PRKCE: variants seen among roughly 807,000 people sequenced by gnomAD.
The protein encoded by PRKCE is protein kinase C epsilon type.
PRKCE carries 16 observed loss-of-function variants against 85.4 expected under a neutral mutation model. The observed-to-expected ratio is 0.19, with a 90% CI of 0.13 to 0.28. The LOEUF (loss-of-function observed/expected upper bound fraction) is 0.28. Ranked by LOEUF, PRKCE falls within the 10% of genes least tolerant of loss-of-function variation. The pLI is 1.00. For missense variants in PRKCE, 573 were observed against 975.2 expected (o/e 0.59, Z 5.49); for synonymous variants, 388 against 371.5 (o/e 1.04, Z -0.51).
At chr2:45,829,730 C>A (rs991514954) in intron 1 of PRKCE, among the ~76,000 whole-genome samples, 1 of 152,134 alleles carries the variant, frequency 6.6e-6, no homozygotes, top group Non-Finnish European at 1.5e-5. Flanking sequence ...GTATGTGGAA[C>A]CATATGCTCC....
intron 1 of PRKCE, among the ~76,000 whole-genome samples, chr2:45,839,313 T>C (rs1691156623): frequency 6.6e-6 from 1 of 152,064 alleles, no homozygotes; most frequent in Non-Finnish European, 1.5e-5. Flanking sequence ...GACACCAAAG[T>C]CTGTGTTTGT....
At chr2:45,712,834 A>C (rs944553047) in intron 1 of PRKCE, among the ~76,000 whole-genome samples, 3 of 152,002 alleles carry the variant, frequency 2.0e-5, no homozygotes, top group Admixed American at 6.5e-5. Context: ...CTCCTCCAGC[A>C]CACTTCCCTG....
intron 1 of PRKCE, among the ~76,000 whole-genome samples, chr2:45,832,335 C>T (rs1690498106): frequency 8.3e-6 from 1 of 120,182 alleles, no homozygotes; most frequent in Admixed American, 9.4e-5. Flanking sequence ...TTTTTTGAGA[C>T]AGAGTCTCAC....
intron 13 of PRKCE, among the ~76,000 whole-genome samples, chr2:46,157,541 G>A (rs989087623): frequency 2.3e-4 from 35 of 152,098 alleles, no homozygotes; most frequent in Admixed American, 1.3e-3. Flanking sequence ...GAAGTATCCA[G>A]TCAAAAATGT....
chr2:45,816,797 C>T (rs1358691186), intron 1 of PRKCE, among the ~76,000 whole-genome samples: 2 of 152,178 alleles, frequency 1.3e-5, no homozygotes, highest in Admixed American at 1.3e-4. Flanking sequence ...ATATTCCTGT[C>T]CATCCTCCCT....
intron 1 of PRKCE, among the ~76,000 whole-genome samples, chr2:45,762,717 T>C (rs1019451333): frequency 1.3e-5 from 2 of 152,212 alleles, no homozygotes; most frequent in Middle Eastern, 3.2e-3. Flanking sequence ...TGAGTACTTA[T>C]TTTATGCTAG....
chr2:45,926,418 T>TC (rs1382962024), intron 2 of PRKCE, among the ~76,000 whole-genome samples: 3 of 151,656 alleles, frequency 2.0e-5, no homozygotes, highest in Admixed American at 6.6e-5. Flanking sequence ...GTTAGGTGAG[T>TC]CCCCCCCATC....
intron 12 of PRKCE, among the ~76,000 whole-genome samples, chr2:46,147,429 C>T (rs1363467977): frequency 6.6e-6 from 1 of 152,182 alleles, no homozygotes; most frequent in Non-Finnish European, 1.5e-5. Flanking sequence ...AAGGACCCAA[C>T]CCAAGACAGA....
chr2:46,148,929 T>C (rs1485886993), intron 12 of PRKCE, among the ~76,000 whole-genome samples: 2 of 152,288 alleles, frequency 1.3e-5, no homozygotes, highest in Non-Finnish European at 2.9e-5. Context: ...AGCTTTGACC[T>C]TACAGCTCAA....
intron 2 of PRKCE, among the ~76,000 whole-genome samples, chr2:45,945,390 C>G (rs1181820867): frequency 2.6e-5 from 4 of 151,192 alleles, no homozygotes; most frequent in African/African-American, 9.7e-5. Flanking sequence ...CATACTCTGT[C>G]AAACAACTGG....
At chr2:45,734,639 C>A (rs563743519) in intron 1 of PRKCE, among the ~76,000 whole-genome samples, 138 of 152,336 alleles carry the variant, frequency 9.1e-4, no homozygotes, top group African/African-American at 3.1e-3. Context: ...GGACTTTTGG[C>A]CTGGGCCTCT....
chr2:46,063,654 C>T (rs1023846732), intron 10 of PRKCE, among the ~76,000 whole-genome samples: 3 of 152,094 alleles, frequency 2.0e-5, no homozygotes, highest in African/African-American at 7.2e-5. Context: ...CAAGCATGCT[C>T]CCAGGGCAGA....
intron 2 of PRKCE, among the ~76,000 whole-genome samples, chr2:45,891,905 A>G (rs1002782879): frequency 5.3e-5 from 8 of 152,154 alleles, no homozygotes; most frequent in African/African-American, 1.9e-4. Context: ...TGCTGCTTTC[A>G]GTGGCTCCCG....
intron 2 of PRKCE, among the ~76,000 whole-genome samples, chr2:45,864,149 C>T (rs576672233): frequency 1.3e-5 from 2 of 152,302 alleles, no homozygotes; most frequent in East Asian, 1.9e-4. Context: ...CCTCAAAGAG[C>T]GTCATTCTGC....
rs70937991 is a variant in PRKCE, at chr2:46,123,214, CTTTTTTTTTTT to C, written c.1593-21860_1593-21850del. Among the ~76,000 whole-genome samples, 22 of 27,372 alleles carry C rather than the reference CTTTTTTTTTTT, an allele frequency of 8.0e-4. 1 individual carries two copies. Among genetic ancestry groups the C allele is most frequent in the African/African-American group, 2.4e-3 (19 of 7,914 alleles). The allele number at this position is 27,372 out of a possible 152,430, so 18.0% of individuals were successfully genotyped here. A position where few individuals can be genotyped will look rare whatever the true frequency, so the allele number is the denominator to read the frequency against. ...AAGCTTTACAAAGGAAAACACTTGC[CTTTTTTTTTTT>C]TTTTTTTTTTTTTTTTTTGGTCTAC... On this transcript the variant is annotated intron_variant, in intron 11 of 14. Coordinates refer to ENST00000306156, the MANE Select transcript of PRKCE (RefSeq NM_005400.3).
At chr2:45,804,418 G>A (rs753704366) in intron 1 of PRKCE, among the ~76,000 whole-genome samples, 2 of 152,164 alleles carry the variant, frequency 1.3e-5, no homozygotes, top group East Asian at 1.9e-4. Flanking sequence ...CGAGGTGGCC[G>A]CAGGTTATTC....
At chr2:45,744,495 CT>C (rs1682939663) in intron 1 of PRKCE, among the ~76,000 whole-genome samples, 1 of 53,954 alleles carries the variant, frequency 1.9e-5, no homozygotes, top group Non-Finnish European at 3.7e-5. Flanking sequence ...CTTTTTCTTT[CT>C]TTCTTTTCTT....
At chr2:45,828,043 A>G (rs1231206597) in intron 1 of PRKCE, among the ~76,000 whole-genome samples, 19 of 152,208 alleles carry the variant, frequency 1.2e-4, no homozygotes, top group Admixed American at 1.2e-3. Context: ...TAGCTGGATG[A>G]TAGGCACTGT....
intron 2 of PRKCE, among the ~76,000 whole-genome samples, chr2:45,941,537 A>G (rs543623348): frequency 1.1e-4 from 17 of 152,248 alleles, no homozygotes; most frequent in African/African-American, 4.1e-4. Flanking sequence ...CAGGGCCGTG[A>G]AGGGGTGGGC....
Sources: gnomAD v4.1 joint callset for allele counts (sites outside exome capture counted in the v4.1 genomes callset) on GRCh38, gnomAD v4.1.1 for gene constraint, MANE v1.5 for transcripts, NCBI Gene and HGNC (gene_info 2026-07-23, HGNC 2026-07-21) for gene names.